NCF2: variants seen among roughly 807,000 people sequenced by gnomAD.
NCF2 encodes the protein neutrophil cytosol factor 2.
NCF2 carries 45 observed loss-of-function variants against 70.9 expected under a neutral mutation model. The observed-to-expected ratio is 0.63, with a 90% CI of 0.50 to 0.81. NCF2 has a LOEUF of 0.81. Among genes scored for constraint, NCF2 ranks in the 40% least tolerant of loss-of-function variants. The pLI, the probability that NCF2 is intolerant of heterozygous loss-of-function variation, is 0.00. For synonymous variants in NCF2, 203 were observed against 233.6 expected, an observed-to-expected ratio of 0.87 and a Z score of 1.19; for missense variants, 522 against 631.6, an observed-to-expected ratio of 0.83 and a Z score of 1.86.
At position 183,567,340 on chromosome 1, in the gene NCF2, A is replaced by G. The variant is rs1455199776; in HGVS notation, c.719T>C (p.Leu240Pro). The G allele has an allele frequency of 1.2e-6, 2 of 1,613,910 alleles. No individual in the cohort carries two copies. The highest frequency in any genetic ancestry group is 2.7e-5 in the African/African-American group (2 of 74,910). The change falls in exon 8 of 15, where the codon CTG becomes CCG. Residue 240 changes from leucine (L) to proline (P), a missense_variant. Physicochemically the swap from Leu to Pro is moderately conservative, Grantham distance 98 (BLOSUM62 -3). Transcript: ENST00000367535. Reference sequence around the variant, plus strand: ...TAGCACACGGTGAGCCTCCCCTTCCAGAGCCCTGCAGAGGATAGACACAAG... The same window carrying G: ...TAGCACACGGTGAGCCTCCCCTTCCGGAGCCCTGCAGAGGATAGACACAAG... ...RPKTPEIFRA[L>P]EGEAHRVLFG...
chr1:183,569,580 T>A (rs1315293115), intron 6 of NCF2, among the ~76,000 whole-genome samples: 1 of 152,180 alleles, frequency 6.6e-6, no homozygotes, highest in Non-Finnish European at 1.5e-5. Flanking sequence ...TGAGTATTTT[T>A]AAATTAATTT....
chr1:183,570,675 G>A lies in NCF2; in HGVS notation c.669+105C>T. ...CAGCTGCACTGAGGGCCACTTGAAG[G>A]AGCCCTTACAATCAGGCAACTCAGC... On this transcript the variant is annotated intron_variant, in intron 6 of 14. Coordinates refer to ENST00000367535, the MANE Select transcript of NCF2 (RefSeq NM_000433.4). 3.4e-6 allele frequency: 4 copies of A among 1,175,338 alleles called. No individual in the cohort carries two copies. The South Asian group carries it at 5.1e-5, about 15-fold the overall frequency. The allele number at this position is 1,175,338 out of a possible 1,614,324, so 72.8% of individuals were successfully genotyped here. A position where few individuals can be genotyped will look rare whatever the true frequency, so the allele number is the denominator to read the frequency against.
intron 14 of NCF2, among the ~76,000 whole-genome samples, chr1:183,557,400 T>TA (rs921330435): frequency 3.9e-5 from 6 of 152,222 alleles, no homozygotes; most frequent in African/African-American, 1.4e-4. Context: ...TGATTCTTCT[T>TA]ACAGGGTAGG....
chr1:183,574,653 G>A (rs1482691910), intron 3 of NCF2, 32 bp from the exon 4 acceptor site: 12 of 1,613,398 alleles, frequency 7.4e-6, no homozygotes, highest in Non-Finnish European at 1.0e-5. Context: ...CATAAAACTT[G>A]AGACTACTCC....
chr1:183,556,027 G>GTCTC lies in NCF2; in HGVS notation c.*87_*90dup. On this transcript the variant is annotated 3_prime_UTR_variant, in exon 15 of 15. Coordinates refer to ENST00000367535, the MANE Select transcript of NCF2 (RefSeq NM_000433.4). ...ATAGTTAACACTTCCAAACTGTAAT[G>GTCTC]TCTCAGTACAGTATACAGCAGAAGG... is the stretch of plus-strand genomic sequence containing the variant. 1 of 1,047,978 alleles carries GTCTC rather than the reference G, an allele frequency of 9.5e-7. No homozygotes were observed. The highest frequency in any genetic ancestry group is 2.4e-5 in the East Asian group (1 of 42,158). The allele number at this position is 1,047,978 out of a possible 1,614,324, so 64.9% of individuals were successfully genotyped here.
At chr1:183,598,409 G>A in the NCF2 span, among the ~76,000 whole-genome samples, 5 of 152,012 alleles carry the variant, frequency 3.3e-5, no homozygotes, top group African/African-American at 1.2e-4. Flanking sequence ...TCAGGAATAC[G>A]GAGATGAGGG....
At chr1:183,574,229 A>G (rs1240965847) in intron 4 of NCF2, among the ~76,000 whole-genome samples, 1 of 152,200 alleles carries the variant, frequency 6.6e-6, no homozygotes, top group African/African-American at 2.4e-5. Context: ...TCCAGCATCC[A>G]ATATCCTGTT....
chr1:183,560,198 G>T lies in NCF2; in HGVS notation c.1366C>A (p.Leu456Ile), dbSNP rs779188117. ...DANNQTTEPQ[L>I]KKGSQVEALF... ...GCCTCCACTTGGCTGCCTTTCTTAA[G>T]CTGAGGTTCTGTTGTCTGGTTATTA... The change falls in exon 14 of 15, where the codon CTT becomes ATT. Residue 456 changes from leucine to isoleucine, a missense_variant. Leu to Ile is a conservative substitution (Grantham distance 5). Coordinates refer to ENST00000367535, the MANE Select transcript of NCF2 (RefSeq NM_000433.4). 3.7e-6 allele frequency: 6 copies of T among 1,614,032 alleles called. No homozygotes were observed. In the African/African-American group the frequency reaches 5.3e-5, roughly 14 times the overall value.
intron 5 of NCF2, 113 bp downstream of exon 5, chr1:183,573,072 A>G (rs1672637439): frequency 1.1e-6 from 1 of 951,162 alleles, no homozygotes; most frequent in Non-Finnish European, 1.7e-6. Flanking sequence ...TCTCATTGCC[A>G]TCCCAGGGAC....
chr1:183,599,594 C>T, the NCF2 span, among the ~76,000 whole-genome samples: 1 of 150,718 alleles, frequency 6.6e-6, no homozygotes, highest in African/African-American at 2.4e-5. Flanking sequence ...CTGTGTCACC[C>T]AGGCTGGAAT....
Position 183,565,772 on chromosome 1 carries a change from C to T in NCF2, c.932G>A (p.Ser311Asn), listed in dbSNP as rs1664550664. ...AGCTGGGATGTCGGACTGCGGAGAG[C>T]TTTCCTCCTGAAGGCAACAGGGAGC... Reference protein sequence around the residue: ...IHPQQQPQEESSPQSDIPAPP... With the variant: ...IHPQQQPQEENSPQSDIPAPP... Residue 311 changes from serine to asparagine, a missense_variant, in exon 10 of 15, where the codon AGC (serine) becomes AAC (asparagine). Coordinates refer to ENST00000367535, the MANE Select transcript of NCF2 (RefSeq NM_000433.4). 1.2e-6 allele frequency: 2 copies of T among 1,613,550 alleles called. No individual in the cohort carries two copies. The highest frequency in any genetic ancestry group is 3.3e-5 in the Admixed American group (2 of 59,998).
intron 13 of NCF2, among the ~76,000 whole-genome samples, chr1:183,561,337 G>A (rs1672038374): frequency 6.6e-6 from 1 of 152,120 alleles, no homozygotes; most frequent in Admixed American, 6.5e-5. Flanking sequence ...ACAATGAGGT[G>A]GAAATGGCCC....
At chr1:183,567,064 C>T in intron 8 of NCF2, 76 bp from the exon 9 acceptor site, 1 of 1,608,356 alleles carries the variant, frequency 6.2e-7, no homozygotes, top group Non-Finnish European at 8.5e-7. Flanking sequence ...CAGAACAGCC[C>T]AGAGTCCTGG....
chr1:183,564,086 G>A, intron 10 of NCF2, 56 bp from the exon 11 acceptor site: 1 of 1,517,560 alleles, frequency 6.6e-7, no homozygotes, highest in Non-Finnish European at 9.2e-7. Flanking sequence ...AACATCCTTG[G>A]CCAGCCCCTG....
At position 183,590,407 on chromosome 1, in the gene NCF2, G is replaced by A. The variant is rs765474320; in HGVS notation, c.-78C>T. ...CAGGTTGGAGCGTCTCCCCTAGCAG[G>A]GCTGCCTTAGTGGCCCCCAAGGTGT... On this transcript the variant is annotated 5_prime_UTR_variant, in exon 1 of 15. Transcript: ENST00000367535. 18 of 1,550,154 alleles carry A rather than the reference G, an allele frequency of 1.2e-5. No individual in the cohort carries two copies. In the African/African-American group the frequency reaches 2.4e-4, roughly 21 times the overall value.
chr1:183,599,423 C>CTTCTTTCTTTCTTTCCTTCTTTCT, the NCF2 span, among the ~76,000 whole-genome samples: 2 of 107,508 alleles, frequency 1.9e-5, no homozygotes, highest in Admixed American at 2.0e-4. Flanking sequence ...TCTTTCTTTC[C>CTTCTTTCTTTCTTTCCTTCTTTCT]TTCTTTCTTT....
chr1:183,588,957 T>A (rs932099466), intron 1 of NCF2, among the ~76,000 whole-genome samples: 1 of 152,220 alleles, frequency 6.6e-6, no homozygotes, highest in Non-Finnish European at 1.5e-5. Flanking sequence ...ATGTGCACTT[T>A]GTGTCCATCA....
intron 2 of NCF2, among the ~76,000 whole-genome samples, chr1:183,579,999 A>C (rs926875902): frequency 2.0e-5 from 3 of 152,200 alleles, no homozygotes; most frequent in Non-Finnish European, 2.9e-5. Context: ...TTAAAAATAC[A>C]TGGCATAGAA....
chr1:183,579,108 A>C (rs1672935931), intron 2 of NCF2, among the ~76,000 whole-genome samples: 1 of 152,198 alleles, frequency 6.6e-6, no homozygotes, highest in African/African-American at 2.4e-5. Flanking sequence ...ATGTGGACAC[A>C]GGCTGGCAGG....
Sources: gnomAD v4.1 joint callset for allele counts (sites outside exome capture counted in the v4.1 genomes callset) on GRCh38, gnomAD v4.1.1 for gene constraint, MANE v1.5 for transcripts, NCBI Gene and HGNC (gene_info 2026-07-23, HGNC 2026-07-21) for gene names.